The following SLC10A7 variants were observed in gnomAD, a reference collection of about 807,000 sequenced individuals.
SLC10A7 encodes the protein sodium/bile acid cotransporter 7.
In SLC10A7, 29 loss-of-function variants were observed where a neutral mutation model predicts 43.2. The observed-to-expected ratio is 0.67, with a 90% CI of 0.50 to 0.92. The LOEUF is 0.92. SLC10A7 is among the 40% of genes least tolerant of loss of function. The pLI, the probability that SLC10A7 is intolerant of heterozygous loss-of-function variation, is 0.00. For missense variants in SLC10A7, 295 were observed against 403.2 expected (o/e 0.73, Z 2.30); for synonymous variants, 152 against 144.8 (o/e 1.05, Z -0.35).
intron 5 of SLC10A7, among the ~76,000 whole-genome samples, chr4:146,328,618 C>G (rs756885283): frequency 6.6e-6 from 1 of 152,176 alleles, no homozygotes; most frequent in Non-Finnish European, 1.5e-5. Flanking sequence ...CACTCCACCA[C>G]CACCTCTGGG....
intron 7 of SLC10A7, among the ~76,000 whole-genome samples, chr4:146,299,710 T>C (rs1731028557): frequency 1.3e-5 from 2 of 151,988 alleles, no homozygotes; most frequent in Admixed American, 1.3e-4. Context: ...AAGGTAACAA[T>C]CCCTTTGAAG....
At chr4:146,338,629 T>C (rs749070633) in intron 5 of SLC10A7, among the ~76,000 whole-genome samples, 3 of 151,978 alleles carry the variant, frequency 2.0e-5, no homozygotes, top group Non-Finnish European at 4.4e-5. Context: ...GCAATGTCTC[T>C]CACTCTTGGG....
At chr4:146,343,611 C>G (rs554435168) in intron 5 of SLC10A7, among the ~76,000 whole-genome samples, 5 of 151,980 alleles carry the variant, frequency 3.3e-5, no homozygotes, top group Non-Finnish European at 7.4e-5. Flanking sequence ...GAGCATTACT[C>G]GTCCATGATG....
intron 10 of SLC10A7, among the ~76,000 whole-genome samples, chr4:146,267,766 A>G (rs1357748655): frequency 1.1e-4 from 17 of 152,174 alleles, no homozygotes; most frequent in African/African-American, 3.9e-4. Context: ...TGATACATGC[A>G]AATTGGAGCT....
chr4:146,279,184 T>C (rs762449857), intron 10 of SLC10A7, among the ~76,000 whole-genome samples: 1 of 152,206 alleles, frequency 6.6e-6, no homozygotes, highest in African/African-American at 2.4e-5. Flanking sequence ...TCTGAGGTTA[T>C]GTGCTTTCAG....
chr4:146,374,637 C>CACACACACAG (rs1204339920), intron 5 of SLC10A7, among the ~76,000 whole-genome samples: 6 of 140,432 alleles, frequency 4.3e-5, no homozygotes, highest in African/African-American at 1.3e-4. Flanking sequence ...CACACACACA[C>CACACACACAG]ACACACACAC....
chr4:146,509,748 C>T (rs542964769), intron 3 of SLC10A7, among the ~76,000 whole-genome samples, 165 bp downstream of exon 3: 2 of 152,108 alleles, frequency 1.3e-5, no homozygotes, highest in Non-Finnish European at 2.9e-5. Context: ...ATTTGATGAA[C>T]CTCCTTGATG....
chr4:146,442,066 CAA>C (rs1579195767), intron 5 of SLC10A7: 11 of 979,038 alleles, frequency 1.1e-5, no homozygotes, highest in Non-Finnish European at 1.2e-5. Flanking sequence ...AGGAATTTAA[CAA>C]AGTTTTAAGG....
At chr4:146,285,202 T>G (rs540101094) in intron 9 of SLC10A7, among the ~76,000 whole-genome samples, 3 of 151,828 alleles carry the variant, frequency 2.0e-5, no homozygotes, top group South Asian at 2.1e-4. Flanking sequence ...GCTGAAGGAG[T>G]TGGGACAGTA....
intron 8 of SLC10A7, 64 bp from the exon 9 acceptor site, chr4:146,293,044 G>T: frequency 2.0e-6 from 2 of 1,001,608 alleles, no homozygotes; most frequent in Middle Eastern, 2.2e-4. Context: ...CATACTTATT[G>T]GTATACTTGT....
chr4:146,411,479 T>G (rs994436401), intron 5 of SLC10A7, among the ~76,000 whole-genome samples: 1 of 152,216 alleles, frequency 6.6e-6, no homozygotes, highest in African/African-American at 2.4e-5. Flanking sequence ...TGGCTTATTT[T>G]TTAAACTCTT....
At chr4:146,467,836 T>TA (rs1234539166) in intron 4 of SLC10A7, among the ~76,000 whole-genome samples, 4 of 152,172 alleles carry the variant, frequency 2.6e-5, no homozygotes, top group African/African-American at 9.7e-5. Context: ...GTGCTGGGAT[T>TA]ACAGGCATGA....
chr4:146,256,931 T>C, intron 11 of SLC10A7: 1 of 1,534,370 alleles, frequency 6.5e-7, no homozygotes. Flanking sequence ...TGGTTTGGAG[T>C]AGTTTCTACA....
At chr4:146,315,331 T>C (rs1413910608) in intron 6 of SLC10A7, among the ~76,000 whole-genome samples, 4 of 152,170 alleles carry the variant, frequency 2.6e-5, no homozygotes, top group Non-Finnish European at 4.4e-5. Flanking sequence ...TTCTCTATTA[T>C]ATGCTGCTGA....
At chr4:146,471,245 A>G (rs1248849041) in intron 4 of SLC10A7, among the ~76,000 whole-genome samples, 1 of 152,174 alleles carries the variant, frequency 6.6e-6, no homozygotes, top group Non-Finnish European at 1.5e-5. Context: ...GGGATACTGA[A>G]CTTGTAGAAA....
chr4:146,412,186 C>T (rs968637567), intron 5 of SLC10A7, among the ~76,000 whole-genome samples: 1 of 152,022 alleles, frequency 6.6e-6, no homozygotes, highest in South Asian at 2.1e-4. Context: ...AATATAATTG[C>T]TTGGCCTAAA....
At chr4:146,305,465 C>T (rs1178098412) in intron 7 of SLC10A7, among the ~76,000 whole-genome samples, 3 of 150,130 alleles carry the variant, frequency 2.0e-5, no homozygotes, top group Non-Finnish European at 3.0e-5. Flanking sequence ...GGGAGATATA[C>T]CTAATGCTAG....
intron 5 of SLC10A7, among the ~76,000 whole-genome samples, chr4:146,399,932 T>C (rs555203126): frequency 6.6e-6 from 1 of 152,232 alleles, no homozygotes; most frequent in South Asian, 2.1e-4. Flanking sequence ...AGAACAAGCA[T>C]TTTGATGTTA....
At chr4:146,290,526 C>T (rs1730373698) in intron 9 of SLC10A7, among the ~76,000 whole-genome samples, 1 of 151,854 alleles carries the variant, frequency 6.6e-6, no homozygotes, top group Non-Finnish European at 1.5e-5. Context: ...TGTCGTTTAT[C>T]AAAGAAAGTG....
Sources: allele counts gnomAD v4.1 joint callset (sites outside exome capture counted in the v4.1 genomes callset), GRCh38; gene constraint gnomAD v4.1.1; transcripts MANE v1.5; gene names NCBI Gene and HGNC (gene_info 2026-07-23, HGNC 2026-07-21).